NDUFAF2: variants seen among roughly 807,000 people sequenced by gnomAD.
NDUFAF2 encodes NADH dehydrogenase [ubiquinone] 1 alpha subcomplex assembly factor 2.
NDUFAF2 carries 13 observed loss-of-function variants against 22.8 expected under a neutral mutation model. That is an observed-to-expected ratio of 0.57 (90% CI 0.37 to 0.91). The LOEUF is 0.91. Among genes scored for constraint, NDUFAF2 ranks in the 40% least tolerant of loss-of-function variants. The pLI, the probability that NDUFAF2 is intolerant of heterozygous loss-of-function variation, is 0.01. For synonymous variants in NDUFAF2, 53 were observed against 64.2 expected (o/e 0.83, Z 0.84); for missense variants, 162 against 195.2 (o/e 0.83, Z 1.01).
At chr5:61,027,353 C>T (rs1220464441) in intron 1 of NDUFAF2, among the ~76,000 whole-genome samples, 3 of 149,308 alleles carry the variant, frequency 2.0e-5, no homozygotes, top group African/African-American at 7.4e-5. Flanking sequence ...TAAGCATAAT[C>T]AGGCTAGATT....
intron 1 of NDUFAF2, among the ~76,000 whole-genome samples, chr5:60,986,124 C>G (rs1272328474): frequency 1.3e-5 from 2 of 152,082 alleles, no homozygotes; most frequent in Non-Finnish European, 2.9e-5. Context: ...ACCATGTGCT[C>G]CAGCAATATT....
At chr5:61,083,871 G>T (rs937856251) in intron 2 of NDUFAF2, among the ~76,000 whole-genome samples, 2 of 151,672 alleles carry the variant, frequency 1.3e-5, no homozygotes, top group Admixed American at 6.6e-5. Flanking sequence ...CTTATCAATT[G>T]TATCATCTTT....
chr5:61,103,253 C>T (rs1364011654), intron 3 of NDUFAF2, among the ~76,000 whole-genome samples: 1 of 152,056 alleles, frequency 6.6e-6, no homozygotes, highest in Non-Finnish European at 1.5e-5. Context: ...CTTCTGTACC[C>T]TACTCTACCC....
At chr5:61,016,747 A>G (rs1000762316) in intron 1 of NDUFAF2, among the ~76,000 whole-genome samples, 7 of 152,208 alleles carry the variant, frequency 4.6e-5, no homozygotes, top group African/African-American at 1.7e-4. Context: ...TGTCATGTAA[A>G]GTGGTCAAAG....
At chr5:61,121,966 G>T (rs951254594) in intron 3 of NDUFAF2, among the ~76,000 whole-genome samples, 4 of 151,920 alleles carry the variant, frequency 2.6e-5, no homozygotes, top group Non-Finnish European at 5.9e-5. Flanking sequence ...AAAAAGCTGG[G>T]ATTACAGGCA....
At chr5:60,986,620 A>G (rs1198003537) in intron 1 of NDUFAF2, among the ~76,000 whole-genome samples, 2 of 152,128 alleles carry the variant, frequency 1.3e-5, no homozygotes, top group African/African-American at 2.4e-5. Context: ...GTCAGAGCTG[A>G]ACTGAAGGAG....
At chr5:60,996,196 G>A (rs73759452) in intron 1 of NDUFAF2, among the ~76,000 whole-genome samples, 3,044 of 152,094 alleles carry the variant, frequency 0.02, 120 homozygotes, top group African/African-American at 0.07. Flanking sequence ...CAAGGTCCTC[G>A]ATGTAGTACC....
chr5:60,987,516 T>C (rs182405392), intron 1 of NDUFAF2, among the ~76,000 whole-genome samples: 1 of 152,082 alleles, frequency 6.6e-6, no homozygotes, highest in African/African-American at 2.4e-5. Flanking sequence ...TTCATGAACA[T>C]AAATGCAAAA....
In NDUFAF2 at chr5:60,984,786, T is replaced by C. The variant is rs542762901; in HGVS notation, c.127+39404T>C. Among the ~76,000 whole-genome samples the C allele has an allele frequency of 3.3e-5, 5 of 152,332 alleles. No homozygotes were observed. The East Asian group carries it at 9.6e-4, about 29-fold the overall frequency. On this transcript the variant is annotated intron_variant, in intron 1 of 3. Coordinates refer to ENST00000296597, the MANE Select transcript of NDUFAF2 (RefSeq NM_174889.5). ...ATAAGCTTTTTGATGTGCTGCTGGA[T>C]TCGGTTTGCCAGTATTTTATTGAGG...
At chr5:61,095,241 C>G (rs1009569719) in intron 2 of NDUFAF2, among the ~76,000 whole-genome samples, 3 of 152,234 alleles carry the variant, frequency 2.0e-5, no homozygotes, top group African/African-American at 7.2e-5. Context: ...AAGAAGCAGC[C>G]TGGCCACATT....
At chr5:61,002,090 C>T (rs897112384) in intron 1 of NDUFAF2, among the ~76,000 whole-genome samples, 1 of 151,986 alleles carries the variant, frequency 6.6e-6, no homozygotes, top group African/African-American at 2.4e-5. Flanking sequence ...AAAGGACCAA[C>T]CAGGACAGCA....
chr5:61,009,980 C>T (rs1751423761), intron 1 of NDUFAF2, among the ~76,000 whole-genome samples: 1 of 152,140 alleles, frequency 6.6e-6, no homozygotes, highest in African/African-American at 2.4e-5. Flanking sequence ...ACCTGAGAGT[C>T]AGACTTAACT....
chr5:60,973,808 G>A (rs972930539), intron 1 of NDUFAF2, among the ~76,000 whole-genome samples: 5 of 152,008 alleles, frequency 3.3e-5, no homozygotes, highest in Admixed American at 6.6e-5. Flanking sequence ...TTTTCTTCCC[G>A]GAGGTTATTT....
chr5:61,033,434 A>G (rs1044494742), intron 1 of NDUFAF2, among the ~76,000 whole-genome samples: 13 of 152,148 alleles, frequency 8.5e-5, no homozygotes, highest in African/African-American at 2.9e-4. Context: ...GGGCTTTATT[A>G]CATATCATCC....
At chr5:61,068,278 G>A (rs16878544) in intron 1 of NDUFAF2, among the ~76,000 whole-genome samples, 2,968 of 152,056 alleles carry the variant, frequency 0.02, 114 homozygotes, top group African/African-American at 0.068. Flanking sequence ...GCTTAACAAG[G>A]CAATCTTTTT....
intron 3 of NDUFAF2, among the ~76,000 whole-genome samples, chr5:61,118,384 C>T (rs147429182): frequency 6.6e-6 from 1 of 152,204 alleles, no homozygotes; most frequent in African/African-American, 2.4e-5. Flanking sequence ...TATAGTTTCT[C>T]TGTCTACCTA....
chr5:60,990,110 A>G (rs984711156), intron 1 of NDUFAF2, among the ~76,000 whole-genome samples: 8 of 152,140 alleles, frequency 5.3e-5, no homozygotes, highest in Non-Finnish European at 1.2e-4. Context: ...AAACAATTGA[A>G]CTCATGAAGA....
chr5:61,007,850 C>T (rs1351716705), intron 1 of NDUFAF2, among the ~76,000 whole-genome samples: 1 of 152,068 alleles, frequency 6.6e-6, no homozygotes, highest in African/African-American at 2.4e-5. Flanking sequence ...GACACATGCA[C>T]ACGTATGTTT....
At chr5:61,132,364 C>T (rs1325290435) in intron 3 of NDUFAF2, among the ~76,000 whole-genome samples, 1 of 152,164 alleles carries the variant, frequency 6.6e-6, no homozygotes, top group African/African-American at 2.4e-5. Context: ...TTCTCCGTCT[C>T]CTTTGTTCTT....
Sources: allele counts gnomAD v4.1 joint callset (sites outside exome capture counted in the v4.1 genomes callset), GRCh38; gene constraint gnomAD v4.1.1; transcripts MANE v1.5; gene names NCBI Gene and HGNC (gene_info 2026-07-23, HGNC 2026-07-21).